The following ADCY1 variants were observed in gnomAD, a reference collection of about 807,000 sequenced individuals.
ADCY1 encodes the protein adenylate cyclase 1.
ADCY1 carries 28 observed loss-of-function variants against 105.4 expected under a neutral mutation model. That is an observed-to-expected ratio of 0.27 (90% confidence interval 0.20 to 0.36). The LOEUF (loss-of-function observed/expected upper bound fraction) is 0.36. ADCY1 is among the 10% of genes least tolerant of loss of function. The pLI is 1.00. For missense variants in ADCY1, 977 were observed against 1,434.2 expected (o/e 0.68, Z 5.15); for synonymous variants, 655 against 623.8 (o/e 1.05, Z -0.75).
In ADCY1 at chr7:45,662,183, C is replaced by T; in HGVS notation, c.1574C>T (p.Ser525Phe). The T allele has an allele frequency of 6.2e-7, 1 of 1,613,906 alleles. No homozygotes were observed. Among genetic ancestry groups the T allele is most frequent in the Non-Finnish European group, 8.5e-7 (1 of 1,179,950 alleles). The change falls in exon 8 of 20, where the codon TCC becomes TTC. Residue 525 changes from serine (S) to phenylalanine (F), a missense_variant. Ser to Phe is a radical substitution (Grantham distance 155). Coordinates refer to ENST00000297323, the MANE Select transcript of ADCY1 (RefSeq NM_021116.4). ...RKMFKAEIPFSNVMTCEDDDK... is the reference protein window; with the variant it reads ...RKMFKAEIPFFNVMTCEDDDK... ...ATGTTCAAGGCCGAGATCCCCTTCT[C>T]CAATGTCATGACCTGCGAGGACGAT...
At chr7:45,706,512 A>AAAAAAAAAAAG (rs1554332713) in intron 17 of ADCY1, among the ~76,000 whole-genome samples, 1 of 135,444 alleles carries the variant, frequency 7.4e-6, no homozygotes, top group East Asian at 2.2e-4. Context: ...AAAAAAAAAA[A>AAAAAAAAAAAG]AGAATATAGA....
chr7:45,585,126 C>T (rs1015936726), intron 1 of ADCY1, among the ~76,000 whole-genome samples: 41 of 152,216 alleles, frequency 2.7e-4, no homozygotes, highest in African/African-American at 8.7e-4. Flanking sequence ...AGAGGAATAG[C>T]CTCTTCTTAA....
chr7:45,632,035 A>G (rs184589741), intron 4 of ADCY1, among the ~76,000 whole-genome samples: 1 of 152,190 alleles, frequency 6.6e-6, no homozygotes, highest in African/African-American at 2.4e-5. Flanking sequence ...TGTTATCTTG[A>G]TATCTAATTG....
In ADCY1 at chr7:45,721,604, CT is replaced by C. The variant is rs1038340634; in HGVS notation, c.*7613del. On this transcript the variant is annotated 3_prime_UTR_variant, in exon 20 of 20. Coordinates refer to ENST00000297323, the MANE Select transcript of ADCY1 (RefSeq NM_021116.4). Reference sequence around the variant, plus strand: ...GGAAGGCCATTGGTTGTATTTGCTACTTTTACTTTCATCTTCCTCTGCTGTA... The same window carrying C: ...GGAAGGCCATTGGTTGTATTTGCTACTTTACTTTCATCTTCCTCTGCTGTA... The C allele has an allele frequency of 2.5e-6, 1 of 398,386 alleles. No individual in the cohort carries two copies. The highest frequency in any genetic ancestry group is 4.4e-6 in the Non-Finnish European group (1 of 226,058). The allele number at this position is 398,386 out of a possible 1,614,324, so 24.7% of individuals were successfully genotyped here. A position where few individuals can be genotyped will look rare whatever the true frequency, so the allele number is the denominator to read the frequency against.
At chr7:45,578,389 C>A (rs1224580312) in intron 1 of ADCY1, among the ~76,000 whole-genome samples, 3 of 152,162 alleles carry the variant, frequency 2.0e-5, no homozygotes, top group Non-Finnish European at 2.9e-5. Context: ...ACTAATTGTA[C>A]CTATATGACA....
At chr7:45,615,442 T>C (rs1793712588) in intron 3 of ADCY1, among the ~76,000 whole-genome samples, 1 of 151,824 alleles carries the variant, frequency 6.6e-6, no homozygotes. Context: ...TAAAAGAAAA[T>C]TTTTAAGTTA....
chr7:45,672,713 T>TA (rs1784388511), intron 8 of ADCY1, among the ~76,000 whole-genome samples: 1 of 152,168 alleles, frequency 6.6e-6, no homozygotes, highest in African/African-American at 2.4e-5. Context: ...AATATATATA[T>TA]ATTCCTTGAG....
At chr7:45,636,325 A>G (rs959297596) in intron 4 of ADCY1, among the ~76,000 whole-genome samples, 5 of 152,204 alleles carry the variant, frequency 3.3e-5, no homozygotes, top group African/African-American at 1.2e-4. Flanking sequence ...ATTACTTATA[A>G]TATCTACTAC....
chr7:45,630,671 C>T lies in ADCY1; in HGVS notation c.1020+7928C>T, dbSNP rs111925866. On this transcript the variant is annotated intron_variant, in intron 4 of 19. Transcript: ENST00000297323. ...TTTCCCCCTCCCTCCCTCTCTCTTT[C>T]CCTTTTTCTGTATGTGTGTAAAATT... Among the ~76,000 whole-genome samples, 510 of 152,232 alleles carry T rather than the reference C, an allele frequency of 3.4e-3. 4 individuals are homozygous for T. The highest frequency in any genetic ancestry group is 0.012 in the African/African-American group (486 of 41,530).
chr7:45,703,548 C>G lies in ADCY1; in HGVS notation c.2572-52C>G, dbSNP rs984306370. 1.9e-6 allele frequency: 3 copies of G among 1,612,610 alleles called. No individual in the cohort carries two copies. Among genetic ancestry groups the G allele is most frequent in the African/African-American group, 1.3e-5 (1 of 75,008 alleles). On this transcript the variant is annotated intron_variant, in intron 15 of 19. Transcript: ENST00000297323. This position sits in a 1 kb window ranked among gnomAD's most constrained non-coding sequence, Gnocchi z 5.9. The stretch of plus-strand genomic sequence containing the variant: ...TAGCCCTACACTGCTCTGGCCACCC[C>G]ACTTGGCGCTCACCTGGCTGACCCT...
intron 5 of ADCY1, among the ~76,000 whole-genome samples, chr7:45,655,788 C>T (rs1794924183): frequency 6.6e-6 from 1 of 152,026 alleles, no homozygotes; most frequent in African/African-American, 2.4e-5. Flanking sequence ...GCATGGGTCC[C>T]AGAAGTCTCC....
intron 1 of ADCY1, among the ~76,000 whole-genome samples, chr7:45,577,302 C>T (rs1439995432): frequency 6.6e-6 from 1 of 152,194 alleles, no homozygotes; most frequent in East Asian, 1.9e-4. Context: ...ATGTTCTATT[C>T]AAGTCCACGT....
At chr7:45,689,369 C>T (rs138005874) in intron 14 of ADCY1, among the ~76,000 whole-genome samples, 244 of 152,308 alleles carry the variant, frequency 1.6e-3, no homozygotes, top group African/African-American at 5.7e-3. Context: ...AATTGGCTCA[C>T]AGTTCTACAG....
intron 6 of ADCY1, among the ~76,000 whole-genome samples, chr7:45,659,646 G>T (rs182989771): frequency 1.2e-4 from 18 of 152,292 alleles, no homozygotes; most frequent in Admixed American, 9.1e-4. Flanking sequence ...TCCTTGTGCT[G>T]ACCAGACCAG....
In ADCY1 at chr7:45,662,091, A is replaced by C. The variant is rs141176584; in HGVS notation, c.1482A>C (p.Lys494Asn). The change falls in exon 8 of 20, where the codon AAA becomes AAC. Residue 494 changes from lysine to asparagine, a missense_variant. Transcript: ENST00000297323. Reference sequence around the variant, plus strand: ...CAGGCCTGATTCTCTCAGATATAAAACCGGCCAAAAGGATGAAGTTCAAGA... The same window carrying C: ...CAGGCCTGATTCTCTCAGATATAAACCCGGCCAAAAGGATGAAGTTCAAGA... Reference protein sequence around the residue: ...IFPGLILSDIKPAKRMKFKTV... With the variant: ...IFPGLILSDINPAKRMKFKTV... 6.2e-7 allele frequency: 1 copy of C among 1,614,086 alleles called. No individual in the cohort carries two copies. The highest frequency in any genetic ancestry group is 8.5e-7 in the Non-Finnish European group (1 of 1,179,978).
intron 4 of ADCY1, among the ~76,000 whole-genome samples, chr7:45,628,374 C>T (rs974396667): frequency 4.6e-5 from 7 of 152,230 alleles, no homozygotes; most frequent in Non-Finnish European, 1.0e-4. Context: ...CCTGCCCATG[C>T]TCTAGCCCCT....
chr7:45,646,420 T>G (rs752415049), intron 4 of ADCY1, among the ~76,000 whole-genome samples: 5 of 152,198 alleles, frequency 3.3e-5, no homozygotes, highest in Non-Finnish European at 7.4e-5. Flanking sequence ...GCCTCTTGGC[T>G]GTACCTTCCC....
At chr7:45,579,625 C>T (rs537338513) in intron 1 of ADCY1, among the ~76,000 whole-genome samples, 88 of 152,302 alleles carry the variant, frequency 5.8e-4, no homozygotes, top group Middle Eastern at 3.4e-3. Flanking sequence ...GGGTTAGAGC[C>T]GGGTCAGGGA....
At chr7:45,614,978 A>G (rs1231814821) in intron 3 of ADCY1, among the ~76,000 whole-genome samples, 15 of 152,244 alleles carry the variant, frequency 9.9e-5, no homozygotes, top group Admixed American at 9.8e-4. Context: ...CATCCAGACA[A>G]GATCAAAAAG....
Sources: gnomAD v4.1 joint callset for allele counts (sites outside exome capture counted in the v4.1 genomes callset) on GRCh38, gnomAD v4.1.1 for gene constraint, Gnocchi (gnomAD v3.1) non-coding constraint, MANE v1.5 for transcripts, NCBI Gene and HGNC (gene_info 2026-07-23, HGNC 2026-07-21) for gene names.